The following STK32B variants were observed in gnomAD, a reference collection of about 807,000 sequenced individuals.
STK32B encodes serine/threonine kinase 32B.
In STK32B, 43 loss-of-function variants were observed where a neutral mutation model predicts 52.6. The observed-to-expected ratio is 0.82, with a 90% CI of 0.64 to 1.05. The LOEUF is 1.05. Ranked by LOEUF, STK32B falls within the 50% of genes least tolerant of loss-of-function variation. The pLI is 0.00. For missense variants in STK32B, 621 were observed against 534.6 expected, an observed-to-expected ratio of 1.16 and a Z score of -1.59; for synonymous variants, 238 against 204.3, an observed-to-expected ratio of 1.17 and a Z score of -1.41.
intron 4 of STK32B, among the ~76,000 whole-genome samples, chr4:5,339,489 A>G (rs933638837): frequency 1.3e-5 from 2 of 152,108 alleles, no homozygotes; most frequent in African/African-American, 4.8e-5. Context: ...GAACACAACC[A>G]TGTGTAAGGA....
At chr4:5,379,299 T>C (rs1735777560) in intron 4 of STK32B, among the ~76,000 whole-genome samples, 2 of 152,072 alleles carry the variant, frequency 1.3e-5, no homozygotes, top group South Asian at 4.1e-4. Flanking sequence ...CCCCCTTGTA[T>C]CCAGCACATG....
At position 5,293,773 on chromosome 4, in the gene STK32B, A is replaced by G. The variant is rs182280804; in HGVS notation, c.261-37447A>G. Among the ~76,000 whole-genome samples, 1,040 of 152,112 alleles carry G rather than the reference A, an allele frequency of 6.8e-3. 20 individuals carry two copies. Among genetic ancestry groups the G allele is most frequent in the Middle Eastern group, 0.017 (5 of 294 alleles). The stretch of plus-strand genomic sequence containing the variant: ...CTCTGATGATAGTTTCTTTTGCTGT[A>G]CAGAAGCTCTTTAGTTTAATGAGAT... On this transcript the variant is annotated intron_variant, in intron 3 of 11. Coordinates refer to ENST00000282908, the MANE Select transcript of STK32B (RefSeq NM_018401.3).
chr4:5,135,010 T>C (rs977440621), intron 1 of STK32B, among the ~76,000 whole-genome samples: 2 of 152,350 alleles, frequency 1.3e-5, no homozygotes, highest in South Asian at 4.1e-4. Flanking sequence ...AAGAGCCCAC[T>C]GGCATGTAAA....
chr4:5,124,507 T>A (rs187580408), intron 1 of STK32B, among the ~76,000 whole-genome samples: 1 of 152,132 alleles, frequency 6.6e-6, no homozygotes, highest in Non-Finnish European at 1.5e-5. Context: ...TGTTCCTGGC[T>A]CAGGGCCTGG....
At chr4:5,105,050 C>T (rs555623836) in intron 1 of STK32B, among the ~76,000 whole-genome samples, 2 of 152,156 alleles carry the variant, frequency 1.3e-5, no homozygotes, top group Non-Finnish European at 1.5e-5. Flanking sequence ...TCACTTGCGA[C>T]GTAAGAGGGA....
chr4:5,154,227 T>C (rs1169239003), intron 2 of STK32B, among the ~76,000 whole-genome samples: 1 of 151,204 alleles, frequency 6.6e-6, no homozygotes, highest in Non-Finnish European at 1.5e-5. Flanking sequence ...TTTTTTTTTT[T>C]TTTTCATGAC....
intron 2 of STK32B, among the ~76,000 whole-genome samples, chr4:5,163,538 C>CTGTGTGTGTG (rs3077842): frequency 0.011 from 1,524 of 139,408 alleles, 19 homozygotes; most frequent in Middle Eastern, 0.019. Context: ...AGAGTGAAGG[C>CTGTGTGTGTG]TGTGTGTGTG....
At chr4:5,496,805 TAAAA>T (rs531765285) in intron 11 of STK32B, among the ~76,000 whole-genome samples, 1 of 142,866 alleles carries the variant, frequency 7.0e-6, no homozygotes, top group African/African-American at 2.6e-5. Flanking sequence ...TTCTTTGCTT[TAAAA>T]AAAAAAAAAA....
At chr4:5,426,350 G>A (rs171846) in intron 6 of STK32B, among the ~76,000 whole-genome samples, 103,197 of 152,020 alleles carry the variant, frequency 0.68, 36,182 homozygotes, top group East Asian at 0.97. Context: ...TTGCTTGCCT[G>A]TTTGCCATCC....
At chr4:5,418,443 C>G (rs558997039) in intron 6 of STK32B, among the ~76,000 whole-genome samples, 6 of 152,352 alleles carry the variant, frequency 3.9e-5, no homozygotes, top group African/African-American at 1.4e-4. Flanking sequence ...AAAATGTAAT[C>G]AGTGCTGCAC....
intron 3 of STK32B, among the ~76,000 whole-genome samples, chr4:5,327,320 AT>A (rs1731948021): frequency 6.6e-6 from 1 of 150,460 alleles, no homozygotes; most frequent in South Asian, 2.2e-4. Context: ...ACAATCTAGT[AT>A]GGCGAATCCT....
chr4:5,322,573 C>A (rs1268174195), intron 3 of STK32B, among the ~76,000 whole-genome samples: 1 of 152,218 alleles, frequency 6.6e-6, no homozygotes, highest in African/African-American at 2.4e-5. Context: ...CACCCAGTGA[C>A]TTTTGCCTCA....
intron 3 of STK32B, among the ~76,000 whole-genome samples, chr4:5,255,422 A>T (rs1415113973): frequency 2.6e-5 from 4 of 151,982 alleles, no homozygotes; most frequent in Non-Finnish European, 4.4e-5. Context: ...AGGTTTTTTT[A>T]AATTTATTTT....
intron 1 of STK32B, among the ~76,000 whole-genome samples, chr4:5,095,450 A>G (rs903274826): frequency 3.3e-5 from 5 of 152,124 alleles, no homozygotes; most frequent in African/African-American, 1.2e-4. Flanking sequence ...CTCTGCCTCT[A>G]TTAAAACTAT....
chr4:5,404,898 G>A (rs1031826076), intron 5 of STK32B, among the ~76,000 whole-genome samples: 8 of 124,704 alleles, frequency 6.4e-5, no homozygotes, highest in South Asian at 4.9e-4. Flanking sequence ...ATGGAGTCTC[G>A]TTCTGTCACC....
chr4:5,149,189 A>G (rs778020586), intron 2 of STK32B, among the ~76,000 whole-genome samples: 29 of 151,846 alleles, frequency 1.9e-4, no homozygotes, highest in Non-Finnish European at 3.0e-4. Flanking sequence ...TTTCCATGAC[A>G]TATGTTTTTC....
At chr4:5,273,156 A>G (rs79611978) in intron 3 of STK32B, among the ~76,000 whole-genome samples, 11,094 of 144,238 alleles carry the variant, frequency 0.077, 1,046 homozygotes, top group African/African-American at 0.24. Flanking sequence ...AAAAAAACAA[A>G]CAACCCCATC....
intron 3 of STK32B, among the ~76,000 whole-genome samples, chr4:5,303,626 T>A (rs1055149427): frequency 7.2e-5 from 11 of 152,192 alleles, no homozygotes; most frequent in Non-Finnish European, 1.6e-4. Flanking sequence ...TCTGTCACTC[T>A]ATGGGTTCTC....
chr4:5,331,449 AG>A, intron 4 of STK32B, 56 bp downstream of exon 4: 4 of 1,557,056 alleles, frequency 2.6e-6, no homozygotes, highest in Non-Finnish European at 3.5e-6. Context: ...CTAGGGTGTC[AG>A]GAGCAGTCTG....
Sources: allele counts gnomAD v4.1 joint callset (sites outside exome capture counted in the v4.1 genomes callset), GRCh38; gene constraint gnomAD v4.1.1; transcripts MANE v1.5; gene names NCBI Gene and HGNC (gene_info 2026-07-23, HGNC 2026-07-21).